Variants in AGBL1 observed in about 807,000 individuals in gnomAD.
AGBL1 encodes AGBL carboxypeptidase 1.
In AGBL1, 130 loss-of-function variants were observed where a neutral mutation model predicts 118.9. That is an observed-to-expected ratio of 1.09 (90% CI 0.95 to 1.26). The LOEUF (loss-of-function observed/expected upper bound fraction) is 1.26, where lower values mean the gene tolerates loss of function less well. AGBL1 is among the 50% of genes most tolerant of loss of function. AGBL1 has a pLI of 0.00. For missense variants in AGBL1, 1,584 were observed against 1,298.1 expected (o/e 1.22, Z -3.38); for synonymous variants, 555 against 478.9 (o/e 1.16, Z -2.08).
chr15:86,390,927 C>G (rs1435458871), intron 17 of AGBL1, among the ~76,000 whole-genome samples: 2 of 151,408 alleles, frequency 1.3e-5, no homozygotes, highest in Non-Finnish European at 2.9e-5. Flanking sequence ...GCCTTGGCCT[C>G]CCACAGTGCT....
At chr15:86,803,167 A>G (rs1227559542) in intron 22 of AGBL1, among the ~76,000 whole-genome samples, 1 of 152,116 alleles carries the variant, frequency 6.6e-6, no homozygotes, top group Non-Finnish European at 1.5e-5. Context: ...CTGAAATCTT[A>G]TCTTGAATTC....
At chr15:86,703,871 G>T (rs2086402275) in intron 22 of AGBL1, among the ~76,000 whole-genome samples, 1 of 152,018 alleles carries the variant, frequency 6.6e-6, no homozygotes, top group Non-Finnish European at 1.5e-5. Flanking sequence ...GAGGCATCAT[G>T]CTACCAGAGT....
At chr15:86,222,517 C>T (rs2078295725) in intron 5 of AGBL1, among the ~76,000 whole-genome samples, 2 of 151,990 alleles carry the variant, frequency 1.3e-5, no homozygotes, top group African/African-American at 4.8e-5. Context: ...ATTTTGACAC[C>T]ACATCATCTC....
At chr15:86,951,070 C>T (rs2080876419) in intron 23 of AGBL1, among the ~76,000 whole-genome samples, 1 of 152,072 alleles carries the variant, frequency 6.6e-6, no homozygotes, top group East Asian at 1.9e-4. Context: ...GTCCGAGCAC[C>T]TAATTTTTAG....
At chr15:86,424,552 C>G (rs200540884) in intron 18 of AGBL1, among the ~76,000 whole-genome samples, 1 of 152,182 alleles carries the variant, frequency 6.6e-6, no homozygotes, top group Non-Finnish European at 1.5e-5. Context: ...TCTAATTAAA[C>G]TAAAGAGCTT....
chr15:86,130,630 G>C (rs1450189929), intron 1 of AGBL1, among the ~76,000 whole-genome samples: 1 of 152,196 alleles, frequency 6.6e-6, no homozygotes, highest in Non-Finnish European at 1.5e-5. Context: ...ATCTTTGAGA[G>C]ATTTTGCAGT....
chr15:86,642,949 G>A (rs897240180), intron 21 of AGBL1, among the ~76,000 whole-genome samples: 1 of 152,122 alleles, frequency 6.6e-6, no homozygotes, highest in Non-Finnish European at 1.5e-5. Context: ...ATACCAGGAT[G>A]GTAAATAGGT....
intron 18 of AGBL1, among the ~76,000 whole-genome samples, chr15:86,430,230 CT>C (rs1366540000): frequency 6.6e-6 from 1 of 152,136 alleles, no homozygotes; most frequent in Admixed American, 6.5e-5. Context: ...GGCATGGTGG[CT>C]TAGGCCTGTA....
chr15:86,606,377 A>G (rs2084577896), intron 21 of AGBL1, among the ~76,000 whole-genome samples: 1 of 152,086 alleles, frequency 6.6e-6, no homozygotes, highest in East Asian at 1.9e-4. Flanking sequence ...TAGTTTTAGT[A>G]AAATAATCAG....
chr15:87,012,388 A>G (rs942408811), intron 24 of AGBL1, among the ~76,000 whole-genome samples: 7 of 152,196 alleles, frequency 4.6e-5, no homozygotes, highest in Non-Finnish European at 8.8e-5. Context: ...TTATACTTGT[A>G]AATGTTTAAG....
chr15:86,423,591 C>T lies in AGBL1; in HGVS notation c.2555+26045C>T, dbSNP rs186446040. Among the ~76,000 whole-genome samples the T allele has an allele frequency of 2.1e-4, 32 of 152,262 alleles. 1 individual carries two copies. The highest frequency in any genetic ancestry group is 1.7e-3 in the Admixed American group (26 of 15,288). On this transcript the variant is annotated intron_variant, in intron 18 of 22. Coordinates refer to ENST00000614907, the MANE Select transcript of AGBL1 (RefSeq NM_001386094.1). ...GTATTCAGATAGGAAGAGAGGAAGT[C>T]AAATTGTCTCTGTTTGCAGATGACA...
intron 22 of AGBL1, among the ~76,000 whole-genome samples, chr15:86,881,717 C>G (rs1266188367): frequency 6.6e-6 from 1 of 152,136 alleles, no homozygotes; most frequent in Non-Finnish European, 1.5e-5. Context: ...TCACTGCAAC[C>G]TCCGCCTCCC....
intron 17 of AGBL1, among the ~76,000 whole-genome samples, chr15:86,328,391 T>C (rs1383370845): frequency 1.3e-5 from 2 of 152,228 alleles, no homozygotes; most frequent in Middle Eastern, 3.2e-3. Context: ...TCCCTTGAAC[T>C]ATTTTTGCAA....
At chr15:86,463,575 C>A (rs552049800) in intron 18 of AGBL1, among the ~76,000 whole-genome samples, 17 of 152,124 alleles carry the variant, frequency 1.1e-4, no homozygotes, top group African/African-American at 4.1e-4. Flanking sequence ...GGTTTTAGGT[C>A]TTATGTTTAA....
rs564517051 is a variant in AGBL1, at chr15:86,474,302, G to C, written c.2556-48508G>C. The stretch of plus-strand genomic sequence containing the variant: ...CATTGCCTCATCCAGGAGGTACAAG[G>C]GGTCAAGGAATTCCCTTTCCTAGCT... On this transcript the variant is annotated intron_variant, in intron 18 of 22. Transcript: ENST00000614907. 6.3e-4 allele frequency among the ~76,000 whole-genome samples: 96 copies of C among 152,308 alleles called. 3 individuals carry two copies. In the South Asian group the frequency reaches 0.02, roughly 32 times the overall value.
intron 24 of AGBL1, among the ~76,000 whole-genome samples, chr15:87,023,957 A>G (rs8043350): frequency 6.6e-6 from 1 of 152,040 alleles, no homozygotes; most frequent in African/African-American, 2.4e-5. Context: ...GACACAACCT[A>G]TCAAAACCTC....
chr15:86,083,029 A>G (rs920096221), intron 1 of AGBL1, among the ~76,000 whole-genome samples: 3 of 152,240 alleles, frequency 2.0e-5, no homozygotes, highest in African/African-American at 7.2e-5. Context: ...TGTGAGGATT[A>G]AGAGAATACA....
intron 21 of AGBL1, among the ~76,000 whole-genome samples, chr15:86,628,902 A>G (rs1395456170): frequency 6.6e-6 from 1 of 152,252 alleles, no homozygotes; most frequent in Non-Finnish European, 1.5e-5. Flanking sequence ...GGTGTACAAC[A>G]AGATGTTTGA....
At chr15:86,398,313 G>A (rs2081397150) in intron 18 of AGBL1, among the ~76,000 whole-genome samples, 1 of 152,110 alleles carries the variant, frequency 6.6e-6, no homozygotes, top group African/African-American at 2.4e-5. Flanking sequence ...GGTGCATGAG[G>A]GTGACAGGAT....
Sources: allele counts gnomAD v4.1 joint callset (sites outside exome capture counted in the v4.1 genomes callset), GRCh38; gene constraint gnomAD v4.1.1; transcripts MANE v1.5; gene names NCBI Gene and HGNC (gene_info 2026-07-23, HGNC 2026-07-21).